Variants in PRKN observed in about 807,000 individuals in gnomAD.
The protein encoded by PRKN is E3 ubiquitin-protein ligase parkin.
In PRKN, 56 loss-of-function variants were observed where a neutral mutation model predicts 59.5. The observed-to-expected ratio is 0.94, with a 90% CI of 0.76 to 1.18. PRKN has a LOEUF of 1.18. Ranked by LOEUF, PRKN falls within the 50% of genes most tolerant of loss-of-function variation. The pLI is 0.00. For synonymous variants in PRKN, 250 were observed against 222.1 expected (o/e 1.13, Z -1.12); for missense variants, 657 against 596.4 (o/e 1.10, Z -1.06).
At chr6:162,488,036 T>TA (rs1792630900) in intron 1 of PRKN, among the ~76,000 whole-genome samples, 1 of 149,304 alleles carries the variant, frequency 6.7e-6, no homozygotes, top group Non-Finnish European at 1.5e-5. Flanking sequence ...CCTTTTTTTT[T>TA]TTTTTTTTTT....
intron 5 of PRKN, among the ~76,000 whole-genome samples, chr6:161,982,296 G>A (rs1781289941): frequency 8.0e-6 from 1 of 125,344 alleles, no homozygotes; most frequent in African/African-American, 3.3e-5. Flanking sequence ...TCATGGGTAG[G>A]AAGAATCAAT....
Position 161,680,102 on chromosome 6 carries a change from T to C in PRKN, c.871+105670A>G, listed in dbSNP as rs535557988. On this transcript the variant is annotated intron_variant, in intron 7 of 11. Coordinates refer to ENST00000366898, the MANE Select transcript of PRKN (RefSeq NM_004562.3). ...GACAATTCCAGTACAATTGGCCTTGTTGCTGGGCAAAGACACTAGGATTCA... is the reference window on the plus strand; with the variant it reads ...GACAATTCCAGTACAATTGGCCTTGCTGCTGGGCAAAGACACTAGGATTCA... Among the ~76,000 whole-genome samples, 9 of 152,262 alleles carry C rather than the reference T, an allele frequency of 5.9e-5. 1 individual carries two copies. In the South Asian group the frequency reaches 1.9e-3, roughly 32 times the overall value.
At chr6:162,199,702 T>C (rs1784640035) in intron 4 of PRKN, among the ~76,000 whole-genome samples, 1 of 152,214 alleles carries the variant, frequency 6.6e-6, no homozygotes, top group African/African-American at 2.4e-5. Context: ...ATCATTCTTG[T>C]GTGGCTTTGA....
intron 1 of PRKN, among the ~76,000 whole-genome samples, chr6:162,651,912 C>G (rs1324413368): frequency 6.6e-6 from 1 of 152,010 alleles, no homozygotes; most frequent in Non-Finnish European, 1.5e-5. Context: ...ATCTTTATCC[C>G]TAAAATTTCA....
chr6:162,142,266 T>C (rs1781819828), intron 4 of PRKN, among the ~76,000 whole-genome samples: 1 of 152,164 alleles, frequency 6.6e-6, no homozygotes, highest in East Asian at 1.9e-4. Context: ...TTCCAGATGC[T>C]AGCCCTGGCT....
chr6:162,216,389 G>C (rs1038170517), intron 3 of PRKN, among the ~76,000 whole-genome samples: 2 of 151,178 alleles, frequency 1.3e-5, no homozygotes, highest in African/African-American at 4.9e-5. Context: ...AATTAGCCGG[G>C]CGCGGTGGCG....
intron 7 of PRKN, among the ~76,000 whole-genome samples, chr6:161,608,098 G>A (rs541181913): frequency 5.3e-5 from 8 of 152,316 alleles, no homozygotes; most frequent in African/African-American, 1.4e-4. Flanking sequence ...GTGGACGACA[G>A]TGCCCTCCGC....
Position 162,136,581 on chromosome 6 carries a change from C to A in PRKN, c.534+64550G>T, listed in dbSNP as rs938276687. Among the ~76,000 whole-genome samples, 4 of 152,148 alleles carry A rather than the reference C, an allele frequency of 2.6e-5. No individual in the cohort carries two copies. The East Asian group carries it at 5.8e-4, about 22-fold the overall frequency. ...AATTTAATTTCCTAGGCATAAGTTG[C>A]CTCATTTCTTAAAATGGGGTCTATG... On this transcript the variant is annotated intron_variant, in intron 4 of 11. Transcript: ENST00000366898.
intron 3 of PRKN, among the ~76,000 whole-genome samples, chr6:162,224,672 A>G (rs750905298): frequency 1.4e-4 from 21 of 150,022 alleles, no homozygotes; most frequent in Non-Finnish European, 2.8e-4. Context: ...GAAGGAATCT[A>G]TCTTGAGGGA....
rs10455912 is a variant in PRKN, at chr6:162,539,070, A to G, written c.8-95597T>C. ...AAGGATCGCCTTAATTCTAAACAGG[A>G]GCATCAGTAAAATAGAAACCAGGGG... On this transcript the variant is annotated intron_variant, in intron 1 of 11. Transcript: ENST00000366898. 5.1e-3 allele frequency among the ~76,000 whole-genome samples: 778 copies of G among 152,286 alleles called. 8 individuals are homozygous for G. Among genetic ancestry groups the G allele is most frequent in the Middle Eastern group, 0.024 (7 of 294 alleles).
At chr6:162,221,115 A>G (rs1267679937) in intron 3 of PRKN, among the ~76,000 whole-genome samples, 1 of 152,168 alleles carries the variant, frequency 6.6e-6, no homozygotes, top group African/African-American at 2.4e-5. Context: ...TCCTGCTGGA[A>G]TAGTTTCTTT....
chr6:161,676,228 C>T (rs920412407), intron 7 of PRKN, among the ~76,000 whole-genome samples: 1 of 152,238 alleles, frequency 6.6e-6, no homozygotes, highest in Non-Finnish European at 1.5e-5. Flanking sequence ...GGATGTAGTG[C>T]TATCTAACAA....
intron 2 of PRKN, among the ~76,000 whole-genome samples, 188 bp downstream of exon 2, chr6:162,443,122 C>A (rs1790139610): frequency 1.3e-5 from 2 of 152,096 alleles, no homozygotes; most frequent in South Asian, 4.1e-4. Context: ...TCCAATCTTT[C>A]CTGCTTGCTG....
intron 1 of PRKN, among the ~76,000 whole-genome samples, chr6:162,464,637 T>C (rs1791331251): frequency 1.7e-5 from 2 of 118,704 alleles, no homozygotes; most frequent in South Asian, 2.6e-4. Context: ...AACACAGTGA[T>C]AACCCATCTC....
At chr6:161,879,397 G>A (rs963020110) in intron 6 of PRKN, among the ~76,000 whole-genome samples, 1 of 149,392 alleles carries the variant, frequency 6.7e-6, no homozygotes, top group African/African-American at 2.5e-5. Flanking sequence ...AGGCTGGGTG[G>A]AGTACAGTGG....
At chr6:162,280,931 T>A (rs1016902345) in intron 2 of PRKN, among the ~76,000 whole-genome samples, 2 of 151,564 alleles carry the variant, frequency 1.3e-5, no homozygotes, top group African/African-American at 4.9e-5. Flanking sequence ...ATATACACCA[T>A]GGAATACTAT....
chr6:161,505,564 C>T (rs1248337294), intron 9 of PRKN, among the ~76,000 whole-genome samples: 6 of 152,032 alleles, frequency 3.9e-5, no homozygotes, highest in Admixed American at 2.0e-4. Context: ...CTTTTGTTGC[C>T]ATTGCTATTG....
chr6:162,396,000 G>A (rs2128147047), intron 2 of PRKN, among the ~76,000 whole-genome samples: 1 of 152,328 alleles, frequency 6.6e-6, no homozygotes, highest in South Asian at 2.1e-4. Context: ...CTCAGTAAAT[G>A]TTGGAGACAG....
intron 4 of PRKN, among the ~76,000 whole-genome samples, chr6:162,199,213 T>C (rs1784621478): frequency 7.7e-6 from 1 of 129,732 alleles, no homozygotes; most frequent in Non-Finnish European, 1.7e-5. Context: ...TATATCTGTG[T>C]GTTAAAAAAA....
Sources: gnomAD v4.1 joint callset for allele counts (sites outside exome capture counted in the v4.1 genomes callset) on GRCh38, gnomAD v4.1.1 for gene constraint, MANE v1.5 for transcripts, NCBI Gene and HGNC (gene_info 2026-07-23, HGNC 2026-07-21) for gene names.